The following HABP2 variants were observed in gnomAD, a reference collection of about 807,000 sequenced individuals.
The protein encoded by HABP2 is hyaluronan binding protein 2.
A neutral mutation model predicts 66.5 loss-of-function variants in HABP2; 65 were observed. That is an observed-to-expected ratio of 0.98 (90% confidence interval 0.80 to 1.20). The LOEUF (loss-of-function observed/expected upper bound fraction) is 1.20, where lower values mean the gene tolerates loss of function less well. Ranked by LOEUF, HABP2 falls within the 50% of genes most tolerant of loss-of-function variation. The probability of loss-of-function intolerance (pLI) is 0.00; values close to 1 mark genes in which losing one functional copy is unlikely to be tolerated. For missense variants in HABP2, 786 were observed against 691.0 expected (o/e 1.14, Z -1.54); for synonymous variants, 263 against 253.9 (o/e 1.04, Z -0.34).
At chr10:113,568,912 G>A (rs1341530473) in intron 2 of HABP2, among the ~76,000 whole-genome samples, 1 of 152,220 alleles carries the variant, frequency 6.6e-6, no homozygotes, top group African/African-American at 2.4e-5. Context: ...GTGAGTTCAT[G>A]ACACCCTGGA....
chr10:113,574,808 T>C (rs1845379331), intron 3 of HABP2, among the ~76,000 whole-genome samples: 1 of 152,224 alleles, frequency 6.6e-6, no homozygotes, highest in Non-Finnish European at 1.5e-5. Flanking sequence ...TACCAGACTG[T>C]AGCATGTACA....
In HABP2 at chr10:113,588,244, A is replaced by C. The variant is rs1028579522; in HGVS notation, c.1558A>C (p.Thr520Pro). 6.2e-7 allele frequency: 1 copy of C among 1,613,144 alleles called. No homozygotes were observed. Among genetic ancestry groups the C allele is most frequent in the African/African-American group, 1.3e-5 (1 of 74,898 alleles). Residue 520 changes from threonine to proline, a missense_variant, in exon 13 of 13, where the codon ACC becomes CCC. By Grantham distance (38) the Thr-to-Pro change is conservative. Coordinates refer to ENST00000351270, the MANE Select transcript of HABP2 (RefSeq NM_004132.5). ...CCCCCTGACCTGTGAGAAGGACGGC[A>C]CCTACTACGTCTATGGGATAGTGAG... The part of the protein sequence containing the change: ...GGPLTCEKDG[T>P]YYVYGIVSWG...
intron 2 of HABP2, chr10:113,572,801 G>T (rs1393984760): frequency 7.8e-6 from 3 of 384,300 alleles, no homozygotes; most frequent in Non-Finnish European, 1.6e-5. Context: ...CAAGCCAAGG[G>T]AGTCTTGACT....
chr10:113,571,688 G>A (rs142577784), intron 2 of HABP2, among the ~76,000 whole-genome samples: 7 of 152,208 alleles, frequency 4.6e-5, no homozygotes, highest in Non-Finnish European at 7.4e-5. Context: ...ACTTGAGGGC[G>A]CCAGGCCTAG....
At chr10:113,551,288 A>T (rs3758589), upstream of HABP2, among the ~76,000 whole-genome samples, 7 of 152,246 alleles carry the variant, frequency 4.6e-5, no homozygotes, top group Non-Finnish European at 8.8e-5. Flanking sequence ...TTAATGAAAT[A>T]GCAATACGGC....
Position 113,560,408 on chromosome 10 carries a change from G to GTAATT in HABP2, c.70-7081_70-7080insTAATT, listed in dbSNP as rs1845079153. 5.3e-5 allele frequency among the ~76,000 whole-genome samples: 8 copies of GTAATT among 152,306 alleles called. 1 individual carries two copies. In the South Asian group the frequency reaches 1.7e-3, roughly 32 times the overall value. Reference sequence around the variant, plus strand: ...GAATGTGGAGTAATTGGAACCCTCAGGCCTCGCTGGTAGGTATGTAAAATG... The same window carrying GTAATT: ...GAATGTGGAGTAATTGGAACCCTCAGTAATTGCCTCGCTGGTAGGTATGTAAAATG... On this transcript the variant is annotated intron_variant, in intron 1 of 12. Transcript: ENST00000351270.
Position 113,583,312 on chromosome 10 carries a change from G to C in HABP2, c.1191G>C (p.Lys397Asn), listed in dbSNP as rs1177322231. The C allele has an allele frequency of 6.2e-7, 1 of 1,612,198 alleles. No individual in the cohort carries two copies. The highest frequency in any genetic ancestry group is 8.5e-7 in the Non-Finnish European group (1 of 1,178,220). ...EQSFRVEKIF[K>N]YSHYNERDEI... The stretch of plus-strand genomic sequence containing the variant: ...GCTTTAGGGTGGAGAAGATATTCAA[G>C]TACAGCCACTACAATGAAAGAGATG... The change falls in exon 10 of 13, where the codon AAG (lysine) becomes AAC (asparagine). Residue 397 changes from lysine to asparagine, a missense_variant. Coordinates refer to ENST00000351270, the MANE Select transcript of HABP2 (RefSeq NM_004132.5).
At chr10:113,555,205 A>G (rs1276430261) in intron 1 of HABP2, among the ~76,000 whole-genome samples, 1 of 152,222 alleles carries the variant, frequency 6.6e-6, no homozygotes, top group Non-Finnish European at 1.5e-5. Context: ...CCCAAGAAGT[A>G]ATTCCTACTA....
intron 1 of HABP2, among the ~76,000 whole-genome samples, chr10:113,557,703 C>G (rs1182726260): frequency 1.3e-5 from 2 of 152,168 alleles, no homozygotes; most frequent in Admixed American, 1.3e-4. Context: ...TCTGAGAAAA[C>G]AGAACAAACT....
At chr10:113,559,646 T>C (rs898386510) in intron 1 of HABP2, among the ~76,000 whole-genome samples, 1 of 152,146 alleles carries the variant, frequency 6.6e-6, no homozygotes, top group Non-Finnish European at 1.5e-5. Context: ...GCCCCAGGGA[T>C]CTGTATTTTT....
At position 113,569,484 on chromosome 10, in the gene HABP2, G is replaced by A. The variant is rs11575672; in HGVS notation, c.106+1959G>A. On this transcript the variant is annotated intron_variant, in intron 2 of 12. Coordinates refer to ENST00000351270, the MANE Select transcript of HABP2 (RefSeq NM_004132.5). ...ACAACAGCATGGCGAAAGAGACCCC[G>A]TGCTCGTGCCCGTGGGCAAGTTGCT... is the stretch of plus-strand genomic sequence containing the variant. Among the ~76,000 whole-genome samples the A allele has an allele frequency of 8.5e-3, 1,293 of 152,328 alleles. 19 individuals carry two copies. Among genetic ancestry groups the A allele is most frequent in the African/African-American group, 0.029 (1,188 of 41,560 alleles).
intron 2 of HABP2, among the ~76,000 whole-genome samples, chr10:113,568,457 G>A (rs1845241128): frequency 6.6e-6 from 1 of 152,230 alleles, no homozygotes; most frequent in African/African-American, 2.4e-5. Context: ...CCCTGGATGG[G>A]CAGAAAGATG....
In HABP2 at chr10:113,584,304, C is replaced by T. The variant is rs370577561; in HGVS notation, c.1372+22C>T. 2.5e-6 allele frequency: 4 copies of T among 1,610,452 alleles called. No individual in the cohort carries two copies. In the African/African-American group the frequency reaches 5.3e-5, roughly 22 times the overall value. On this transcript the variant is annotated intron_variant, in intron 11 of 12. Transcript: ENST00000351270. ...ACAGGTGAGTCGGCCATGCACTCTC[C>T]CATGACTTAGGTGAACTACATCAAC...
At chr10:113,561,701 C>G (rs558152551) in intron 1 of HABP2, among the ~76,000 whole-genome samples, 48 of 152,266 alleles carry the variant, frequency 3.2e-4, no homozygotes, top group African/African-American at 1.2e-3. Context: ...CCTATCTCCC[C>G]CATCACTGCC....
chr10:113,579,926 G>C (rs527755239), intron 7 of HABP2, among the ~76,000 whole-genome samples: 2 of 152,160 alleles, frequency 1.3e-5, no homozygotes, highest in African/African-American at 2.4e-5. Flanking sequence ...GGGATTACAG[G>C]TGCGCACCAC....
intron 10 of HABP2, among the ~76,000 whole-genome samples, chr10:113,583,854 C>T (rs544014311): frequency 1.3e-5 from 2 of 152,200 alleles, no homozygotes; most frequent in Non-Finnish European, 2.9e-5. Context: ...GACACCCCCC[C>T]ACCTCTCTCT....
At chr10:113,563,555 C>T (rs1322187951) in intron 1 of HABP2, among the ~76,000 whole-genome samples, 4 of 137,764 alleles carry the variant, frequency 2.9e-5, no homozygotes, top group Non-Finnish European at 6.2e-5. Flanking sequence ...CTTCAGGCTC[C>T]CCGAGAGCCC....
chr10:113,586,484 G>A (rs1034857146), intron 12 of HABP2, among the ~76,000 whole-genome samples: 1 of 146,544 alleles, frequency 6.8e-6, no homozygotes, highest in South Asian at 2.4e-4. Flanking sequence ...GTGGGGGGGG[G>A]GGGGGTGTTT....
intron 11 of HABP2, among the ~76,000 whole-genome samples, chr10:113,584,494 C>T (rs1480205388): frequency 6.6e-6 from 1 of 152,208 alleles, no homozygotes; most frequent in Non-Finnish European, 1.5e-5. Flanking sequence ...ATATCTGTCC[C>T]TGGCCCTACC....
Sources: allele counts gnomAD v4.1 joint callset (sites outside exome capture counted in the v4.1 genomes callset), GRCh38; gene constraint gnomAD v4.1.1; transcripts MANE v1.5; gene names NCBI Gene and HGNC (gene_info 2026-07-23, HGNC 2026-07-21).